FHIT: variants seen among roughly 807,000 people sequenced by gnomAD.
FHIT encodes fragile histidine triad diadenosine triphosphatase.
In FHIT, 19 loss-of-function variants were observed where a neutral mutation model predicts 17.9. That is an observed-to-expected ratio of 1.06 (90% CI 0.74 to 1.56). The LOEUF (loss-of-function observed/expected upper bound fraction) is 1.56, where lower values mean the gene tolerates loss of function less well. FHIT is among the 40% of genes most tolerant of loss of function. The pLI is 0.00. For missense variants in FHIT, 248 were observed against 189.2 expected (o/e 1.31, Z -1.82); for synonymous variants, 81 against 69.7 (o/e 1.16, Z -0.81).
At chr3:60,849,833 T>C (rs994885906) in intron 3 of FHIT, among the ~76,000 whole-genome samples, 2 of 151,930 alleles carry the variant, frequency 1.3e-5, no homozygotes, top group South Asian at 2.1e-4. Context: ...CCTAATGTAA[T>C]TGATCAAATT....
Position 60,860,838 on chromosome 3 carries a change from T to TAC in FHIT, c.-110-38828_-110-38827insGT, listed in dbSNP as rs1553751969. ...CAGGTATATATGATACATATGTACA[T>TAC]ATATCAGGTATATATGAACATATGT... On this transcript the variant is annotated intron_variant, in intron 3 of 9. Transcript: ENST00000492590. 1.9e-4 allele frequency among the ~76,000 whole-genome samples: 8 copies of TAC among 42,572 alleles called. 3 individuals are homozygous for TAC. Among genetic ancestry groups the TAC allele is most frequent in the Admixed American group, 5.8e-4 (2 of 3,420 alleles). The allele number at this position is 42,572 out of a possible 152,430, so 27.9% of individuals were successfully genotyped here.
chr3:59,964,532 T>C (rs1040081476), intron 7 of FHIT, among the ~76,000 whole-genome samples: 1 of 152,114 alleles, frequency 6.6e-6, no homozygotes, highest in African/African-American at 2.4e-5. Flanking sequence ...CTTAAGAATT[T>C]TGGTGGGAAG....
intron 4 of FHIT, among the ~76,000 whole-genome samples, chr3:60,552,167 T>C (rs1245147123): frequency 6.6e-6 from 1 of 152,196 alleles, no homozygotes; most frequent in African/African-American, 2.4e-5. Flanking sequence ...ATTCATCCTT[T>C]ATTCCTTTTA....
At chr3:59,989,412 G>A (rs548599942) in intron 7 of FHIT, among the ~76,000 whole-genome samples, 11 of 152,136 alleles carry the variant, frequency 7.2e-5, no homozygotes, top group African/African-American at 2.6e-4. Context: ...TCTACTTAAA[G>A]TGAGACACTG....
intron 2 of FHIT, among the ~76,000 whole-genome samples, chr3:61,152,519 T>C (rs901546214): frequency 3.3e-5 from 5 of 152,192 alleles, no homozygotes; most frequent in Admixed American, 6.5e-5. Context: ...TTGGTACAAA[T>C]AGGACATGAA....
chr3:59,816,724 A>C lies in FHIT; in HGVS notation c.349-64403T>G, dbSNP rs1007603983. Among the ~76,000 whole-genome samples, 5 of 152,206 alleles carry C rather than the reference A, an allele frequency of 3.3e-5. No individual in the cohort carries two copies. The East Asian group carries it at 7.7e-4, about 23-fold the overall frequency. On this transcript the variant is annotated intron_variant, in intron 8 of 9. Coordinates refer to ENST00000492590, the MANE Select transcript of FHIT (RefSeq NM_002012.4). ...CCACAGTCTTTGTACCCCTCTCACC[A>C]TGTCAACTTTGCTCTCCTTGAACGA...
intron 1 of FHIT, among the ~76,000 whole-genome samples, chr3:61,209,880 G>A (rs2039398665): frequency 6.6e-6 from 1 of 152,118 alleles, no homozygotes; most frequent in African/African-American, 2.4e-5. Flanking sequence ...TGGAGGAGGA[G>A]AGGCACTCTG....
chr3:59,755,425 G>C (rs1701164434), intron 8 of FHIT, among the ~76,000 whole-genome samples: 1 of 152,198 alleles, frequency 6.6e-6, no homozygotes, highest in South Asian at 2.1e-4. Flanking sequence ...AGCAACCCAA[G>C]AACCTGGTGG....
chr3:60,051,676 A>C (rs556570920), intron 5 of FHIT, among the ~76,000 whole-genome samples: 1 of 152,256 alleles, frequency 6.6e-6, no homozygotes, highest in East Asian at 1.9e-4. Flanking sequence ...TTTTGCACCC[A>C]CTGTGTATTA....
At chr3:60,348,327 A>G (rs1710902019) in intron 5 of FHIT, among the ~76,000 whole-genome samples, 2 of 152,226 alleles carry the variant, frequency 1.3e-5, no homozygotes, top group Non-Finnish European at 2.9e-5. Context: ...AAGCAAAATA[A>G]TAAACAGCTT....
chr3:60,834,605 T>C (rs1370167366), intron 3 of FHIT, among the ~76,000 whole-genome samples: 3 of 152,068 alleles, frequency 2.0e-5, no homozygotes, highest in Admixed American at 6.6e-5. Flanking sequence ...ACACCTGTAA[T>C]ACCAGCATTT....
intron 5 of FHIT, among the ~76,000 whole-genome samples, chr3:60,292,542 C>G (rs1708034373): frequency 6.6e-6 from 1 of 152,140 alleles, no homozygotes. Context: ...TCTAAGAAAG[C>G]CTTAGAAGCC....
intron 7 of FHIT, among the ~76,000 whole-genome samples, chr3:59,999,480 T>C (rs929349271): frequency 6.6e-6 from 1 of 152,156 alleles, no homozygotes; most frequent in Non-Finnish European, 1.5e-5. Flanking sequence ...AGAGGCACTT[T>C]AGAAACTGTT....
intron 1 of FHIT, among the ~76,000 whole-genome samples, chr3:61,213,919 C>T (rs1266285180): frequency 6.6e-6 from 1 of 152,002 alleles, no homozygotes; most frequent in African/African-American, 2.4e-5. Context: ...GGGTACATAA[C>T]GAAATGAAGG....
chr3:60,027,596 C>T (rs1360536511), intron 5 of FHIT, among the ~76,000 whole-genome samples: 2 of 151,918 alleles, frequency 1.3e-5, no homozygotes, highest in Non-Finnish European at 2.9e-5. Context: ...ACTGCAACCT[C>T]GAATACTACG....
At chr3:60,573,765 G>C (rs2037468952) in intron 4 of FHIT, among the ~76,000 whole-genome samples, 1 of 151,960 alleles carries the variant, frequency 6.6e-6, no homozygotes, top group African/African-American at 2.4e-5. Context: ...GAAAGAGTCT[G>C]CTATTGGTGA....
At position 60,426,356 on chromosome 3, in the gene FHIT, C is replaced by T. The variant is rs115680832; in HGVS notation, c.103+110504G>A. On this transcript the variant is annotated intron_variant, in intron 5 of 9. Transcript: ENST00000492590. ...TCTAAAGTCTCCCAAAGTCCTAGGA[C>T]GGTTTAAGCAGTGACGGATGATATC... 5.7e-3 allele frequency among the ~76,000 whole-genome samples: 861 copies of T among 152,236 alleles called. 9 individuals carry two copies. Among genetic ancestry groups the T allele is most frequent in the African/African-American group, 0.02 (823 of 41,558 alleles).
intron 7 of FHIT, among the ~76,000 whole-genome samples, chr3:59,965,248 A>G (rs925076417): frequency 3.9e-5 from 6 of 152,124 alleles, no homozygotes; most frequent in African/African-American, 1.4e-4. Flanking sequence ...AGTATGATAT[A>G]TGGATGGAGG....
At chr3:60,822,300 G>A (rs1701957266) in intron 3 of FHIT, among the ~76,000 whole-genome samples, 2 of 152,206 alleles carry the variant, frequency 1.3e-5, no homozygotes, top group African/African-American at 2.4e-5. Context: ...GGTTGTTTCA[G>A]CCACATCATC....
Sources: gnomAD v4.1 joint callset for allele counts (sites outside exome capture counted in the v4.1 genomes callset) on GRCh38, gnomAD v4.1.1 for gene constraint, MANE v1.5 for transcripts, NCBI Gene and HGNC (gene_info 2026-07-23, HGNC 2026-07-21) for gene names.